The following PDE4D variants were observed in gnomAD, a reference collection of about 807,000 sequenced individuals.
PDE4D encodes phosphodiesterase 4D, also known as 3',5'-cyclic-AMP phosphodiesterase 4D.
PDE4D carries 24 observed loss-of-function variants against 87.4 expected under a neutral mutation model. The ratio of observed to expected loss-of-function variants is 0.27; its 90% CI spans 0.20 to 0.39. The LOEUF is 0.39. Ranked by LOEUF, PDE4D falls within the 10% of genes least tolerant of loss-of-function variation. The pLI, the probability that PDE4D is intolerant of heterozygous loss-of-function variation, is 1.00. For missense variants in PDE4D, 714 were observed against 1,041.0 expected, an observed-to-expected ratio of 0.69 and a Z score of 4.32; for synonymous variants, 384 against 383.2, an observed-to-expected ratio of 1.00 and a Z score of -0.02.
intron 1 of PDE4D, among the ~76,000 whole-genome samples, chr5:59,613,965 T>TA (rs983964224): frequency 4.6e-5 from 7 of 152,144 alleles, no homozygotes; most frequent in South Asian, 2.1e-4. Context: ...GCTCAATTTT[T>TA]AAAAAAAACT....
chr5:59,717,445 AAAG>A (rs1310880943), intron 1 of PDE4D, among the ~76,000 whole-genome samples: 1 of 152,240 alleles, frequency 6.6e-6, no homozygotes, highest in Non-Finnish European at 1.5e-5. Context: ...TACTGTTTGT[AAAG>A]AATATAAAAA....
intron 1 of PDE4D, among the ~76,000 whole-genome samples, chr5:59,709,713 G>C (rs1270805976): frequency 1.3e-5 from 2 of 152,288 alleles, no homozygotes; most frequent in Admixed American, 1.3e-4. Flanking sequence ...CTGAGGGGAG[G>C]AGGAGACCAA....
chr5:59,796,512 G>A (rs929207699), intron 1 of PDE4D, among the ~76,000 whole-genome samples: 4 of 152,172 alleles, frequency 2.6e-5, no homozygotes, highest in African/African-American at 7.2e-5. Flanking sequence ...TCTCCAAAAA[G>A]AGTGTTGTGT....
chr5:60,503,260 C>A (rs1175292907), intron 1 of PDE4D, among the ~76,000 whole-genome samples: 1 of 152,054 alleles, frequency 6.6e-6, no homozygotes, highest in Non-Finnish European at 1.5e-5. Context: ...GCAGAATACC[C>A]TATAGACAGA....
intron 2 of PDE4D, among the ~76,000 whole-genome samples, chr5:60,091,435 T>C (rs1775097953): frequency 6.6e-6 from 1 of 152,182 alleles, no homozygotes; most frequent in Admixed American, 6.5e-5. Context: ...CACAATGATA[T>C]ATCATCCCAC....
At chr5:60,378,456 T>G (rs78218548) in intron 1 of PDE4D, among the ~76,000 whole-genome samples, 3,326 of 152,294 alleles carry the variant, frequency 0.022, 116 homozygotes, top group African/African-American at 0.076. Flanking sequence ...AATTAATACC[T>G]TAATATGAGT....
chr5:59,902,552 A>C (rs1752389096), intron 3 of PDE4D, among the ~76,000 whole-genome samples: 1 of 152,184 alleles, frequency 6.6e-6, no homozygotes, highest in South Asian at 2.1e-4. Context: ...AACTGAGAGA[A>C]GGAAGGAGCC....
intron 5 of PDE4D, among the ~76,000 whole-genome samples, chr5:59,077,616 C>T (rs972948105): frequency 1.1e-4 from 16 of 152,026 alleles, no homozygotes; most frequent in African/African-American, 3.4e-4. Context: ...TGCAGGCACA[C>T]GCCACCACGC....
intron 1 of PDE4D, among the ~76,000 whole-genome samples, chr5:59,551,848 C>A (rs879771684): frequency 1.3e-5 from 2 of 152,032 alleles, no homozygotes; most frequent in African/African-American, 2.4e-5. Context: ...ACCAAAAAAA[C>A]CCTTCTAATT....
At chr5:60,108,612 C>A (rs969466211) in intron 2 of PDE4D, among the ~76,000 whole-genome samples, 40 of 152,116 alleles carry the variant, frequency 2.6e-4, no homozygotes, top group African/African-American at 9.4e-4. Context: ...TCAAACTATA[C>A]TACAAGGCTA....
At chr5:58,996,210 C>T (rs187518450) in intron 6 of PDE4D, among the ~76,000 whole-genome samples, 29 of 152,174 alleles carry the variant, frequency 1.9e-4, no homozygotes, top group East Asian at 9.7e-4. Context: ...GTGCAGCAAA[C>T]GACCATGGCA....
Position 58,973,414 on chromosome 5 carries a change from A to ATAAC in PDE4D, c.*1246_*1249dup, listed in dbSNP as rs1246310567. 4.6e-5 allele frequency: 7 copies of ATAAC among 152,342 alleles called. No homozygotes were observed. The highest frequency in any genetic ancestry group is 1.4e-4 in the African/African-American group (6 of 41,464). 9.4% of individuals were successfully genotyped at this position (152,342 alleles called of 1,614,324 possible). On this transcript the variant is annotated 3_prime_UTR_variant, in exon 15 of 15. Transcript: ENST00000340635. ...CAAGGGGAAAAACCTTTTTCTTACT[A>ATAAC]TAACTGGCTGTAAAAACAATAAAAA...
At chr5:59,706,713 T>G (rs1308039452) in intron 1 of PDE4D, among the ~76,000 whole-genome samples, 1 of 152,126 alleles carries the variant, frequency 6.6e-6, no homozygotes, top group African/African-American at 2.4e-5. Context: ...TAGAGATATT[T>G]TCAATATGGT....
At chr5:60,441,121 T>G (rs1409451184) in intron 1 of PDE4D, among the ~76,000 whole-genome samples, 1 of 152,060 alleles carries the variant, frequency 6.6e-6, no homozygotes, top group Non-Finnish European at 1.5e-5. Context: ...AAAAAGAGCC[T>G]GTATAGCCAA....
At chr5:59,494,779 A>T (rs1186672963) in intron 1 of PDE4D, among the ~76,000 whole-genome samples, 1 of 152,184 alleles carries the variant, frequency 6.6e-6, no homozygotes, top group Non-Finnish European at 1.5e-5. Context: ...TCCCACCAGC[A>T]ACGTACCTTC....
intron 1 of PDE4D, chr5:60,430,189 T>C (rs1583736839): frequency 1.3e-5 from 7 of 522,434 alleles, no homozygotes; most frequent in Non-Finnish European, 2.7e-5. Flanking sequence ...AATGCACTTA[T>C]GAATGTTGAT....
At chr5:59,342,195 A>G (rs953210164) in intron 1 of PDE4D, among the ~76,000 whole-genome samples, 2 of 152,226 alleles carry the variant, frequency 1.3e-5, no homozygotes, top group Admixed American at 1.3e-4. Flanking sequence ...ATGATTTTAC[A>G]TATCTTTGAA....
intron 1 of PDE4D, among the ~76,000 whole-genome samples, chr5:60,264,930 A>C: frequency 6.6e-6 from 1 of 152,226 alleles, no homozygotes. Flanking sequence ...ATCAAGTGCC[A>C]GGGAACACTG....
chr5:59,593,929 T>A (rs559791551), intron 1 of PDE4D, among the ~76,000 whole-genome samples: 104 of 152,202 alleles, frequency 6.8e-4, no homozygotes, highest in Non-Finnish European at 1.3e-3. Flanking sequence ...AAAGTACACA[T>A]CTTTAAATCT....
Sources: allele counts gnomAD v4.1 joint callset (sites outside exome capture counted in the v4.1 genomes callset), GRCh38; gene constraint gnomAD v4.1.1; transcripts MANE v1.5; gene names NCBI Gene and HGNC (gene_info 2026-07-23, HGNC 2026-07-21).